SLC25A29: variants seen among roughly 807,000 people sequenced by gnomAD.
SLC25A29 encodes the protein solute carrier family 25 member 29.
In SLC25A29, 13 loss-of-function variants were observed where a neutral mutation model predicts 10.0. The observed-to-expected ratio is 1.30, with a 90% CI of 0.85 to 2.07. The LOEUF (loss-of-function observed/expected upper bound fraction) is 2.07. SLC25A29 is among the 30% of genes most tolerant of loss of function. SLC25A29 has a pLI of 0.00. For missense variants in SLC25A29, 475 were observed against 447.6 expected, an observed-to-expected ratio of 1.06 and a Z score of -0.55; for synonymous variants, 244 against 221.1, an observed-to-expected ratio of 1.10 and a Z score of -0.92.
At chr14:100,306,140 G>T in intron 1 of SLC25A29, 59 bp downstream of exon 1, 1 of 1,299,992 alleles carries the variant, frequency 7.7e-7, no homozygotes, top group Non-Finnish European at 1.0e-6. Flanking sequence ...CGTGCTGGTG[G>T]GCCGACCTCC....
chr14:100,303,870 C>T (rs1445652374), intron 1 of SLC25A29, among the ~76,000 whole-genome samples: 2 of 152,136 alleles, frequency 1.3e-5, no homozygotes, highest in South Asian at 2.1e-4. Context: ...CTTGGGGTTA[C>T]CTCTCCTCCC....
At chr14:100,286,368 C>T (rs973924264), downstream of SLC25A29, among the ~76,000 whole-genome samples, 3 of 152,168 alleles carry the variant, frequency 2.0e-5, no homozygotes, top group African/African-American at 7.2e-5. Flanking sequence ...TCCTCACCAT[C>T]CCCAAGGATA....
At position 100,292,792 on chromosome 14, in the gene SLC25A29, G is replaced by A. The variant is rs541228582; in HGVS notation, c.403C>T (p.Leu135=). 1.0e-5 allele frequency: 16 copies of A among 1,595,722 alleles called. No homozygotes were observed. Among genetic ancestry groups the A allele is most frequent in the African/African-American group, 9.4e-5 (7 of 74,708 alleles). ...CCGTAGATCTGCGCGAGGCAGTCCA[G>A]CGAGCCCTTGTAGGTGCGCGCTGGG... ...AGPARTYKGS[L]DCLAQIYGHE... is the part of the protein sequence containing the mutation. The change falls in exon 4 of 4, where the codon CTG becomes TTG. Residue 135 remains leucine (L), a synonymous_variant. Transcript: ENST00000359232.
In SLC25A29 at chr14:100,291,131, C is replaced by T. The variant is rs1156399871; in HGVS notation, c.*1152G>A. On this transcript the variant is annotated 3_prime_UTR_variant, in exon 4 of 4. Coordinates refer to ENST00000359232, the MANE Select transcript of SLC25A29 (RefSeq NM_001039355.3). ...GCCTCGCCACTTAAAAAACAAAGAA[C>T]ACTTTATTCCCTTGACAGTTTCTGT... 1 of 152,324 alleles carries T rather than the reference C, an allele frequency of 6.6e-6. No homozygotes were observed. The highest frequency in any genetic ancestry group is 1.5e-5 in the Non-Finnish European group (1 of 68,084). 9.4% of individuals were successfully genotyped at this position (152,324 alleles called of 1,614,324 possible). A position where few individuals can be genotyped will look rare whatever the true frequency, so the allele number is the denominator to read the frequency against.
downstream of SLC25A29, among the ~76,000 whole-genome samples, chr14:100,290,412 C>G (rs1249546124): frequency 6.6e-6 from 1 of 152,250 alleles, no homozygotes; most frequent in African/African-American, 2.4e-5. Context: ...AGCCAGCTTC[C>G]TCCCCGCCTC....
At chr14:100,299,814 CTGCCAGTAGCGTTTATGTA>C in intron 1 of SLC25A29, 1 of 985,474 alleles carries the variant, frequency 1.0e-6, no homozygotes, top group South Asian at 4.7e-5. Flanking sequence ...TCTCCCTTTA[CTGCCAGTAGCGTTTATGTA>C]TAATTAAAAC....
chr14:100,303,021 C>T (rs1566810368), intron 1 of SLC25A29, among the ~76,000 whole-genome samples: 1 of 152,164 alleles, frequency 6.6e-6, no homozygotes, highest in African/African-American at 2.4e-5. Flanking sequence ...CCTTCTTCTT[C>T]CAGAGCCTCT....
Position 100,298,897 on chromosome 14 carries a change from GA to G in SLC25A29, c.35-13del, listed in dbSNP as rs765024550. The G allele has an allele frequency of 9.9e-6, 16 of 1,614,204 alleles. No homozygotes were observed. Among genetic ancestry groups the G allele is most frequent in the Middle Eastern group, 1.7e-4 (1 of 6,060 alleles). The stretch of plus-strand genomic sequence containing the variant: ...CACGCCTGCCACACCTGGAGGAGGA[GA>G]GGGGGACTTGTGACCCACATACCTC... On this transcript the variant is annotated splice_polypyrimidine_tract_variant and intron_variant, in intron 1 of 3. Coordinates refer to ENST00000359232, the MANE Select transcript of SLC25A29 (RefSeq NM_001039355.3).
chr14:100,296,044 G>A (rs1289077937), intron 2 of SLC25A29: 3 of 1,281,382 alleles, frequency 2.3e-6, no homozygotes, highest in Non-Finnish European at 2.0e-6. Context: ...CTGTGGCCAT[G>A]TGACAGTACG....
downstream of SLC25A29, among the ~76,000 whole-genome samples, chr14:100,287,775 G>A (rs977479113): frequency 5.3e-5 from 8 of 152,124 alleles, no homozygotes; most frequent in African/African-American, 1.7e-4. Context: ...CACTCCCCTG[G>A]GTAAAACCTG....
the SLC25A29 span, among the ~76,000 whole-genome samples, chr14:100,284,832 G>C: frequency 4.7e-4 from 72 of 152,162 alleles, no homozygotes; most frequent in African/African-American, 1.7e-3. Context: ...CTGAGGTCGG[G>C]AGTTTGAGAC....
rs550673216 is a variant in SLC25A29, at chr14:100,291,845, C to T, written c.*438G>A. 1.4e-4 allele frequency: 33 copies of T among 242,288 alleles called. 1 individual carries two copies. The highest frequency in any genetic ancestry group is 1.6e-3 in the Middle Eastern group (1 of 644). The allele number at this position is 242,288 out of a possible 1,614,324, so 15.0% of individuals were successfully genotyped here. Reference sequence around the variant, plus strand: ...CCAGAGGGGTGGCCCACCACCCCCCCGGGTGGAGGATGTGTGGAGTTAGAG... The same window carrying T: ...CCAGAGGGGTGGCCCACCACCCCCCTGGGTGGAGGATGTGTGGAGTTAGAG... On this transcript the variant is annotated 3_prime_UTR_variant, in exon 4 of 4. Coordinates refer to ENST00000359232, the MANE Select transcript of SLC25A29 (RefSeq NM_001039355.3).
chr14:100,298,613 C>G, intron 2 of SLC25A29: 1 of 600,474 alleles, frequency 1.7e-6, no homozygotes, highest in Non-Finnish European at 3.0e-6. Flanking sequence ...CTCAGCACCT[C>G]GGTTCCAGCT....
At chr14:100,298,753 T>C (rs1892338683) in intron 2 of SLC25A29, 89 bp downstream of exon 2, 3 of 1,548,462 alleles carry the variant, frequency 1.9e-6, no homozygotes, top group Middle Eastern at 1.7e-4. Context: ...CCTGGGGCTG[T>C]ACACGGAAAC....
At chr14:100,301,666 C>T (rs1360595431) in intron 1 of SLC25A29, among the ~76,000 whole-genome samples, 2 of 151,958 alleles carry the variant, frequency 1.3e-5, no homozygotes, top group East Asian at 1.9e-4. Context: ...CCCGCCACCA[C>T]GCCTGGCTAA....
At chr14:100,281,040 A>ACAGAG in the SLC25A29 span, 1 of 135,956 alleles carries the variant, frequency 7.4e-6, no homozygotes, top group African/African-American at 2.8e-5. Context: ...AGCCTGGGTG[A>ACAGAG]CAGAGCAAGA....
chr14:100,298,096 C>T (rs946727868), intron 2 of SLC25A29: 26 of 153,290 alleles, frequency 1.7e-4, no homozygotes, highest in African/African-American at 5.8e-4. Flanking sequence ...CCTGCCTTGC[C>T]GTCAGCTGTG....
intron 1 of SLC25A29, chr14:100,305,909 G>A: frequency 2.8e-6 from 1 of 354,780 alleles, no homozygotes; most frequent in Admixed American, 4.8e-5. Flanking sequence ...GGGCAGTGGG[G>A]CATCCTCCCG....
intron 2 of SLC25A29, chr14:100,293,821 CAA>C (rs1444583249): frequency 2.5e-5 from 4 of 161,126 alleles, no homozygotes; most frequent in Admixed American, 1.2e-4. Context: ...GCAATAGGCG[CAA>C]AAAGTGATGA....
Sources: gnomAD v4.1 joint callset for allele counts (sites outside exome capture counted in the v4.1 genomes callset) on GRCh38, gnomAD v4.1.1 for gene constraint, MANE v1.5 for transcripts, NCBI Gene and HGNC (gene_info 2026-07-23, HGNC 2026-07-21) for gene names.